Variants in NRG4 observed in about 807,000 individuals in gnomAD.
NRG4 encodes neuregulin 4.
Under a neutral mutation model 15.0 loss-of-function variants are expected in NRG4, and 10 were observed. That is an observed-to-expected ratio of 0.67 (90% CI 0.41 to 1.13). NRG4 has a LOEUF of 1.13. NRG4 is among the 50% of genes most tolerant of loss of function. The pLI is 0.00. For synonymous variants in NRG4, 41 were observed against 50.1 expected (o/e 0.82, Z 0.77); for missense variants, 139 against 140.2 (o/e 0.99, Z 0.04).
intron 3 of NRG4, among the ~76,000 whole-genome samples, chr15:75,979,354 C>A (rs1468735192): frequency 6.6e-6 from 1 of 152,058 alleles, no homozygotes; most frequent in African/African-American, 2.4e-5. Flanking sequence ...CTGTTCTTTT[C>A]TTATCTCCAA....
chr15:75,936,422 G>A (rs185492069), downstream of NRG4: 3 of 152,238 alleles, frequency 2.0e-5, no homozygotes, highest in Non-Finnish European at 4.4e-5. Flanking sequence ...CCTATATAGG[G>A]AAGAATAATC....
chr15:76,022,952 ATACT>A (rs954098169), intron 5 of NRG4, among the ~76,000 whole-genome samples: 2 of 152,160 alleles, frequency 1.3e-5, no homozygotes, highest in African/African-American at 4.8e-5. Flanking sequence ...AATTAAAGAC[ATACT>A]TAGGAGGTAC....
At chr15:76,037,361 C>A (rs2035619771) in intron 4 of NRG4, among the ~76,000 whole-genome samples, 1 of 152,048 alleles carries the variant, frequency 6.6e-6, no homozygotes, top group Admixed American at 6.5e-5. Context: ...TCACAGTAGC[C>A]AAGTGTTGTG....
At chr15:76,054,031 C>T (rs1326706850) in intron 2 of NRG4, among the ~76,000 whole-genome samples, 2 of 150,818 alleles carry the variant, frequency 1.3e-5, no homozygotes, top group African/African-American at 5.0e-5. Flanking sequence ...AAACTGAATA[C>T]CATTCACGTG....
At chr15:76,028,389 G>A (rs191426462) in intron 5 of NRG4, among the ~76,000 whole-genome samples, 1 of 152,064 alleles carries the variant, frequency 6.6e-6, no homozygotes, top group African/African-American at 2.4e-5. Context: ...AAAACCTAGA[G>A]GAAATAGATG....
intron 3 of NRG4, among the ~76,000 whole-genome samples, chr15:75,994,436 C>T: frequency 1.3e-5 from 2 of 152,212 alleles, no homozygotes; most frequent in South Asian, 2.1e-4. Context: ...CCTCAGGCAA[C>T]AAGCCATAAT....
chr15:76,008,522 C>A (rs1464808075), intron 3 of NRG4, among the ~76,000 whole-genome samples: 4 of 152,092 alleles, frequency 2.6e-5, no homozygotes, highest in Non-Finnish European at 4.4e-5. Context: ...CAGTATAGGG[C>A]AGTACTATGA....
chr15:75,954,160 T>G (rs1356509056), intron 5 of NRG4, among the ~76,000 whole-genome samples: 1 of 152,164 alleles, frequency 6.6e-6, no homozygotes, highest in African/African-American at 2.4e-5. Context: ...AAAATTTTCT[T>G]TCTGCATTTC....
intron 3 of NRG4, among the ~76,000 whole-genome samples, chr15:75,996,554 C>T (rs1258799203): frequency 6.6e-6 from 1 of 152,018 alleles, no homozygotes; most frequent in Non-Finnish European, 1.5e-5. Context: ...GATAATAGTT[C>T]CTGACATAAA....
At chr15:75,948,886 A>C (rs1467586038) in intron 5 of NRG4, among the ~76,000 whole-genome samples, 1 of 140,890 alleles carries the variant, frequency 7.1e-6, no homozygotes, top group Non-Finnish European at 1.7e-5. Flanking sequence ...TTGTCTCTAC[A>C]AAAAAAATGT....
chr15:76,039,288 C>G (rs1040059607), intron 4 of NRG4, among the ~76,000 whole-genome samples: 1 of 152,066 alleles, frequency 6.6e-6, no homozygotes, highest in Non-Finnish European at 1.5e-5. Flanking sequence ...CGAGGCCAAT[C>G]CTGAAGAAAC....
At chr15:76,006,914 C>T (rs2034625787) in intron 3 of NRG4, among the ~76,000 whole-genome samples, 1 of 152,052 alleles carries the variant, frequency 6.6e-6, no homozygotes, top group African/African-American at 2.4e-5. Flanking sequence ...TAACAGATAG[C>T]TAGTATACAG....
At position 76,011,293 on chromosome 15, in the gene NRG4, C is replaced by A; in HGVS notation, c.-56-7G>T. 1.5e-6 allele frequency: 2 copies of A among 1,315,970 alleles called. No individual in the cohort carries two copies. Among genetic ancestry groups the A allele is most frequent in the South Asian group, 2.4e-5 (1 of 41,428 alleles). 81.5% of individuals were successfully genotyped at this position (1,315,970 alleles called of 1,614,324 possible). ...TAGGGTTGAAAAACAGTACCTAAAA[C>A]GGTTTAAAAAGTAATAATTCAGGGA... On this transcript the variant is annotated splice_region_variant and splice_polypyrimidine_tract_variant and intron_variant, in intron 1 of 5. Coordinates refer to ENST00000394907, the MANE Select transcript of NRG4 (RefSeq NM_138573.4).
chr15:75,953,373 T>G (rs2032028377), intron 5 of NRG4, among the ~76,000 whole-genome samples: 1 of 152,234 alleles, frequency 6.6e-6, no homozygotes, highest in Non-Finnish European at 1.5e-5. Context: ...TCCATTCATC[T>G]ATATGTCTAT....
chr15:76,029,120 T>C (rs1239335906), intron 5 of NRG4, among the ~76,000 whole-genome samples: 1 of 152,088 alleles, frequency 6.6e-6, no homozygotes, highest in Non-Finnish European at 1.5e-5. Flanking sequence ...GGGATTTATG[T>C]CAGGAATGCA....
intron 2 of NRG4, chr15:76,056,884 ATTTTC>A (rs1343450683): frequency 5.3e-5 from 8 of 152,136 alleles, no homozygotes; most frequent in African/African-American, 1.9e-4. Context: ...ACATGTACAA[ATTTTC>A]CATTTATGTG....
At chr15:76,035,346 A>G (rs2035574956) in intron 5 of NRG4, among the ~76,000 whole-genome samples, 1 of 152,186 alleles carries the variant, frequency 6.6e-6, no homozygotes, top group South Asian at 2.1e-4. Flanking sequence ...AACTCAGCAG[A>G]CTTCCCTTCT....
chr15:76,030,909 C>G (rs2035456453), intron 5 of NRG4, among the ~76,000 whole-genome samples: 1 of 151,980 alleles, frequency 6.6e-6, no homozygotes, highest in African/African-American at 2.4e-5. Context: ...AACCTTGATG[C>G]CAAAACTTGA....
At chr15:75,989,050 G>A (rs989386988) in intron 3 of NRG4, among the ~76,000 whole-genome samples, 2 of 151,810 alleles carry the variant, frequency 1.3e-5, no homozygotes, top group African/African-American at 2.4e-5. Flanking sequence ...TAGAGATGGG[G>A]TCTCACTATG....
Sources: allele counts gnomAD v4.1 joint callset (sites outside exome capture counted in the v4.1 genomes callset), GRCh38; gene constraint gnomAD v4.1.1; transcripts MANE v1.5; gene names NCBI Gene and HGNC (gene_info 2026-07-23, HGNC 2026-07-21).